Variants in NRG3 observed in about 807,000 individuals in gnomAD.
The protein encoded by NRG3 is neuregulin 3, also known as pro-neuregulin-3, membrane-bound isoform.
Under a neutral mutation model 66.9 loss-of-function variants are expected in NRG3, and 31 were observed. The ratio of observed to expected loss-of-function variants is 0.46; its 90% CI spans 0.35 to 0.63. The LOEUF (loss-of-function observed/expected upper bound fraction) is 0.63, where lower values mean the gene tolerates loss of function less well. Ranked by LOEUF, NRG3 falls within the 20% of genes least tolerant of loss-of-function variation. NRG3 has a pLI of 0.00. For synonymous variants in NRG3, 393 were observed against 359.4 expected (o/e 1.09, Z -1.06); for missense variants, 910 against 878.9 (o/e 1.04, Z -0.45).
chr10:82,617,461 G>T (rs1246750514), intron 2 of NRG3, among the ~76,000 whole-genome samples: 2 of 152,152 alleles, frequency 1.3e-5, no homozygotes, highest in African/African-American at 4.8e-5. Flanking sequence ...ACACCAGCGA[G>T]TTTGTGAGGA....
intron 1 of NRG3, among the ~76,000 whole-genome samples, chr10:82,130,373 C>T (rs1190327858): frequency 2.3e-4 from 35 of 151,822 alleles, no homozygotes; most frequent in Admixed American, 2.2e-3. Flanking sequence ...GCTATCCCTC[C>T]CCTCTCCCCC....
chr10:82,949,224 T>C (rs576780953), intron 4 of NRG3, among the ~76,000 whole-genome samples: 62 of 152,320 alleles, frequency 4.1e-4, no homozygotes, highest in African/African-American at 1.3e-3. Context: ...TTTTTGTGTA[T>C]AAACCTTACT....
chr10:82,573,338 G>A (rs1379560780), intron 2 of NRG3, among the ~76,000 whole-genome samples: 3 of 151,762 alleles, frequency 2.0e-5, no homozygotes, highest in African/African-American at 7.3e-5. Context: ...ATTTTTCAAA[G>A]TTTACTTCAG....
chr10:82,595,359 G>T (rs558912317), intron 2 of NRG3, among the ~76,000 whole-genome samples: 2 of 152,196 alleles, frequency 1.3e-5, no homozygotes, highest in South Asian at 4.2e-4. Flanking sequence ...ACCCAATTAG[G>T]TGCAACATTG....
intron 1 of NRG3, among the ~76,000 whole-genome samples, chr10:81,999,145 A>C (rs1004803540): frequency 6.6e-6 from 1 of 152,178 alleles, no homozygotes; most frequent in Non-Finnish European, 1.5e-5. Flanking sequence ...AGATTCCAAA[A>C]ATATTTACTA....
At chr10:82,695,836 T>C (rs911440096) in intron 2 of NRG3, among the ~76,000 whole-genome samples, 1 of 152,294 alleles carries the variant, frequency 6.6e-6, no homozygotes, top group Non-Finnish European at 1.5e-5. Context: ...ACCTCACTTA[T>C]GTCATTTTGA....
chr10:82,410,893 T>C, intron 2 of NRG3, among the ~76,000 whole-genome samples: 1 of 152,162 alleles, frequency 6.6e-6, no homozygotes, highest in East Asian at 1.9e-4. Flanking sequence ...AGTGATGTTG[T>C]ATCATAAAAT....
chr10:81,949,690 A>C (rs1849159680), intron 1 of NRG3, among the ~76,000 whole-genome samples: 2 of 152,218 alleles, frequency 1.3e-5, no homozygotes, highest in Non-Finnish European at 2.9e-5. Flanking sequence ...AATGTTTCAC[A>C]TTTAGACCTT....
chr10:82,306,496 G>A (rs1480140931), intron 1 of NRG3, among the ~76,000 whole-genome samples: 4 of 151,682 alleles, frequency 2.6e-5, no homozygotes, highest in Non-Finnish European at 4.4e-5. Flanking sequence ...GAGGTCAGGA[G>A]ATCCAGACCA....
Position 81,947,583 on chromosome 10 carries a change from C to T in NRG3, c.823+71420C>T, listed in dbSNP as rs75537074. On this transcript the variant is annotated intron_variant, in intron 1 of 8. Transcript: ENST00000372141. ...ACAATTTGTATAACCTTTGTGCTATCTAATTTGACCCGAAAGCCCCAGAGT... is the reference window on the plus strand; with the variant it reads ...ACAATTTGTATAACCTTTGTGCTATTTAATTTGACCCGAAAGCCCCAGAGT... Among the ~76,000 whole-genome samples, 603 of 151,864 alleles carry T rather than the reference C, an allele frequency of 4.0e-3. 3 individuals are homozygous for T. Among genetic ancestry groups the T allele is most frequent in the South Asian group, 6.4e-3 (31 of 4,822 alleles).
chr10:82,109,939 A>G (rs1012554568), intron 1 of NRG3, among the ~76,000 whole-genome samples: 2 of 152,102 alleles, frequency 1.3e-5, no homozygotes, highest in Non-Finnish European at 2.9e-5. Flanking sequence ...CTTCTTAATC[A>G]CTGTGATTCA....
chr10:82,644,364 C>T (rs1417685629), intron 2 of NRG3, among the ~76,000 whole-genome samples: 1 of 152,114 alleles, frequency 6.6e-6, no homozygotes, highest in African/African-American at 2.4e-5. Context: ...AAGAAACTTT[C>T]TAGCTTCCAA....
chr10:82,519,507 G>T (rs939436339), intron 2 of NRG3, among the ~76,000 whole-genome samples: 1 of 152,116 alleles, frequency 6.6e-6, no homozygotes, highest in East Asian at 1.9e-4. Context: ...TTTAAACCAT[G>T]ACTTTCTTTA....
chr10:82,727,719 G>A (rs1591329595), intron 2 of NRG3, among the ~76,000 whole-genome samples: 1 of 152,168 alleles, frequency 6.6e-6, no homozygotes, highest in African/African-American at 2.4e-5. Flanking sequence ...TGTGAGAAGA[G>A]AGCCACTGTC....
intron 2 of NRG3, among the ~76,000 whole-genome samples, chr10:82,514,277 T>C (rs1270020143): frequency 6.6e-6 from 1 of 152,178 alleles, no homozygotes; most frequent in Non-Finnish European, 1.5e-5. Context: ...ATGTCTTGAA[T>C]GGTATTGCCT....
intron 6 of NRG3, among the ~76,000 whole-genome samples, chr10:82,966,856 A>T (rs1177723234): frequency 2.6e-5 from 4 of 152,052 alleles, no homozygotes; most frequent in Non-Finnish European, 5.9e-5. Context: ...GGCTTTGGCC[A>T]TTGATAGGTC....
intron 2 of NRG3, among the ~76,000 whole-genome samples, chr10:82,365,732 A>G (rs1303454096): frequency 6.6e-6 from 1 of 151,990 alleles, no homozygotes; most frequent in Non-Finnish European, 1.5e-5. Flanking sequence ...AGCACATTCA[A>G]CCAACACATC....
intron 1 of NRG3, among the ~76,000 whole-genome samples, chr10:81,961,325 A>T (rs933943523): frequency 6.6e-6 from 1 of 152,136 alleles, no homozygotes; most frequent in Non-Finnish European, 1.5e-5. Flanking sequence ...TGGTTTCATG[A>T]TGTACAACCA....
intron 3 of NRG3, among the ~76,000 whole-genome samples, chr10:82,790,913 T>G (rs984825380): frequency 2.0e-5 from 3 of 151,690 alleles, no homozygotes; most frequent in Admixed American, 6.6e-5. Flanking sequence ...TGACACATTT[T>G]ATTTATTTAT....
Sources: allele counts gnomAD v4.1 joint callset (sites outside exome capture counted in the v4.1 genomes callset), GRCh38; gene constraint gnomAD v4.1.1; transcripts MANE v1.5; gene names NCBI Gene and HGNC (gene_info 2026-07-23, HGNC 2026-07-21).